Variants in NRXN2 observed in about 807,000 individuals in gnomAD.
NRXN2 encodes neurexin-2-beta.
Under a neutral mutation model 128.8 loss-of-function variants are expected in NRXN2, and 29 were observed. That is an observed-to-expected ratio of 0.23 (90% confidence interval 0.17 to 0.31). The LOEUF is 0.31. Among genes scored for constraint, NRXN2 ranks in the 10% least tolerant of loss-of-function variants. The pLI, the probability that NRXN2 is intolerant of heterozygous loss-of-function variation, is 1.00. For synonymous variants in NRXN2, 1,098 were observed against 1,075.2 expected (o/e 1.02, Z -0.41); for missense variants, 1,881 against 2,452.6 (o/e 0.77, Z 4.92).
chr11:64,656,868 G>T (rs879898394), intron 11 of NRXN2, among the ~76,000 whole-genome samples: 1 of 152,216 alleles, frequency 6.6e-6, no homozygotes, highest in Non-Finnish European at 1.5e-5. Context: ...GGCACGATAA[G>T]TTCCTTAGGA....
rs1479472265 is a variant in NRXN2, at chr11:64,706,427, G to T, written c.730+6543C>A. The stretch of plus-strand genomic sequence containing the variant: ...TATGAGTGAGAACATGCGGTGTTTG[G>T]TTTTTTGTCCTTGCGATAGTTTGCT... On this transcript the variant is annotated intron_variant, in intron 2 of 22. Transcript: ENST00000265459. Among the ~76,000 whole-genome samples the T allele has an allele frequency of 2.0e-5, 3 of 150,442 alleles. No homozygotes were observed. In the South Asian group the frequency reaches 6.3e-4, roughly 32 times the overall value.
intron 19 of NRXN2, among the ~76,000 whole-genome samples, chr11:64,627,358 T>C (rs1591591145): frequency 6.9e-6 from 1 of 145,918 alleles, no homozygotes; most frequent in African/African-American, 2.5e-5. Flanking sequence ...TCTCACCTCC[T>C]CTTCGGCCCC....
At chr11:64,716,733 G>A (rs995287823) in intron 1 of NRXN2, among the ~76,000 whole-genome samples, 6 of 152,162 alleles carry the variant, frequency 3.9e-5, no homozygotes, top group African/African-American at 1.4e-4. Context: ...GCCTCTGGGG[G>A]CACAGGGACT....
Position 64,676,982 on chromosome 11 carries a change from G to A in NRXN2, c.1197+11C>T. 2 of 1,611,656 alleles carry A rather than the reference G, an allele frequency of 1.2e-6. No homozygotes were observed. The highest frequency in any genetic ancestry group is 1.7e-6 in the Non-Finnish European group (2 of 1,178,444). ...CAAACCAAACGGTAAGACAATTAGA[G>A]TGATATCTACCAGATAATGCAGTTT... On this transcript the variant is annotated intron_variant, in intron 7 of 22. Transcript: ENST00000265459.
rs2045638397 is a variant in NRXN2, at chr11:64,641,359, T to C, written c.3404-5907A>G. On this transcript the variant is annotated intron_variant, in intron 17 of 22. Transcript: ENST00000265459. ...AGGTGCAGAGATGGGAAGTGATGAATAGACTAAAATGGGAGGTGAGGAGGT... is the reference window on the plus strand; with the variant it reads ...AGGTGCAGAGATGGGAAGTGATGAACAGACTAAAATGGGAGGTGAGGAGGT... 2.0e-5 allele frequency among the ~76,000 whole-genome samples: 3 copies of C among 151,584 alleles called. No individual in the cohort carries two copies. The South Asian group carries it at 6.3e-4, about 32-fold the overall frequency.
At chr11:64,711,938 G>A (rs958410037) in intron 2 of NRXN2, among the ~76,000 whole-genome samples, 1 of 151,708 alleles carries the variant, frequency 6.6e-6, no homozygotes, top group Non-Finnish European at 1.5e-5. Context: ...CCTCGCCTGC[G>A]CTGGAATCGC....
Position 64,631,017 on chromosome 11 carries a change from C to T in NRXN2, c.3586-444G>A, listed in dbSNP as rs1210881970. On this transcript the variant is annotated intron_variant, in intron 18 of 22. Transcript: ENST00000265459. This position sits in a 1 kb window ranked among gnomAD's most constrained non-coding sequence, Gnocchi z 4.8. The stretch of plus-strand genomic sequence containing the variant: ...CAGAGGAAGGTCTGACCCCCAGCCC[C>T]TCCCCAGTCCCCAGTCTCCAGCCTC... Among the ~76,000 whole-genome samples, 1 of 152,222 alleles carries T rather than the reference C, an allele frequency of 6.6e-6. No individual in the cohort carries two copies. Among genetic ancestry groups the T allele is most frequent in the African/African-American group, 2.4e-5 (1 of 41,460 alleles).
chr11:64,697,816 A>G, intron 2 of NRXN2, 24 bp from the exon 3 acceptor site: 2 of 1,613,490 alleles, frequency 1.2e-6, no homozygotes, highest in Non-Finnish European at 1.7e-6. Context: ...GGTTCGGAGA[A>G]GACGGAGGCA....
At chr11:64,697,818 A>G in intron 2 of NRXN2, 26 bp from the exon 3 acceptor site, 1 of 1,613,396 alleles carries the variant, frequency 6.2e-7, no homozygotes, top group Non-Finnish European at 8.5e-7. Flanking sequence ...TTCGGAGAAG[A>G]CGGAGGCAGA....
chr11:64,610,612 A>G (rs1182377168), intron 22 of NRXN2, among the ~76,000 whole-genome samples: 1 of 152,038 alleles, frequency 6.6e-6, no homozygotes, highest in African/African-American at 2.4e-5. Flanking sequence ...CTCATCTATA[A>G]AACTGGGGTA....
chr11:64,684,962 G>A (rs913910761), intron 6 of NRXN2, among the ~76,000 whole-genome samples: 10 of 152,176 alleles, frequency 6.6e-5, no homozygotes, highest in African/African-American at 2.2e-4. Context: ...GATGCTGGGA[G>A]GGCCTGGCTC....
At chr11:64,718,583 G>T (rs534219307) in intron 1 of NRXN2, among the ~76,000 whole-genome samples, 2 of 152,326 alleles carry the variant, frequency 1.3e-5, no homozygotes, top group South Asian at 2.1e-4. Flanking sequence ...GCTGCCTCGG[G>T]GGGTGGTGAG....
intron 4 of NRXN2, among the ~76,000 whole-genome samples, chr11:64,691,730 G>C (rs2135584970): frequency 6.6e-6 from 1 of 151,724 alleles, no homozygotes; most frequent in South Asian, 2.1e-4. Flanking sequence ...TCTCCATTTG[G>C]GACTTCCTCT....
At chr11:64,661,448 C>T (rs1030858066) in intron 9 of NRXN2, 1 of 1,267,386 alleles carries the variant, frequency 7.9e-7, no homozygotes, top group Non-Finnish European at 1.0e-6. Context: ...AGGAAGTGGG[C>T]ATGCCGAAAT....
chr11:64,608,857 G>A (rs775980868), intron 22 of NRXN2, among the ~76,000 whole-genome samples: 4 of 152,148 alleles, frequency 2.6e-5, no homozygotes, highest in Non-Finnish European at 4.4e-5. Context: ...TCAGCATGTC[G>A]GGGAGGGAGG....
intron 22 of NRXN2, among the ~76,000 whole-genome samples, chr11:64,610,303 G>A (rs1173508640): frequency 6.6e-6 from 1 of 152,124 alleles, no homozygotes; most frequent in Non-Finnish European, 1.5e-5. Context: ...AGCATGTTTT[G>A]TGGAGCTGGG....
chr11:64,660,926 C>T lies in NRXN2; in HGVS notation c.2012G>A (p.Arg671Gln), dbSNP rs772419587. The T allele has an allele frequency of 6.2e-6, 10 of 1,613,602 alleles. No individual in the cohort carries two copies. The East Asian group carries it at 1.3e-4, about 22-fold the overall frequency. Reference protein sequence around the residue: ...LFIDGRSRDLRGLAEAQGAVG... With the variant: ...LFIDGRSRDLQGLAEAQGAVG... ...AGCCCCCTGAGCCTCAGCCAGGCCC[C>T]GGAGGTCTCGGCTACGCCCATCTAT... Residue 671 changes from arginine (R) to glutamine (Q), a missense_variant, in exon 10 of 23, where the codon CGG becomes CAG. Around this residue, in one of 7 missense-constraint regions of NRXN2, gnomAD observed 997 missense variants for 1,240.8 expected, o/e 0.80. Transcript: ENST00000265459. The surrounding 1 kb of genome is among the most constrained non-coding windows in gnomAD (Gnocchi z 5.2).
At position 64,714,582 on chromosome 11, in the gene NRXN2, G is replaced by A. The variant is rs968002810; in HGVS notation, c.-244-639C>T. On this transcript the variant is annotated intron_variant, in intron 1 of 22. Coordinates refer to ENST00000265459, the MANE Select transcript of NRXN2 (RefSeq NM_015080.4). This position sits in a 1 kb window ranked among gnomAD's most constrained non-coding sequence, Gnocchi z 4.5. ...CCAATTCTGTGTCTCCAGTTCCCCC[G>A]AAACCACGCTCACCCCTTCCCAGGC... Among the ~76,000 whole-genome samples the A allele has an allele frequency of 1.3e-4, 19 of 151,888 alleles. No individual in the cohort carries two copies. Among genetic ancestry groups the A allele is most frequent in the Non-Finnish European group, 5.9e-5 (4 of 67,984 alleles).
chr11:64,694,714 C>G (rs1165651871), intron 3 of NRXN2, among the ~76,000 whole-genome samples: 1 of 152,150 alleles, frequency 6.6e-6, no homozygotes, highest in African/African-American at 2.4e-5. Context: ...CAACCCTTTC[C>G]CCAAAAACTA....
Sources: gnomAD v4.1 joint callset for allele counts (sites outside exome capture counted in the v4.1 genomes callset) on GRCh38, gnomAD v4.1.1 for gene constraint, gnomAD v4.1.1 regional missense constraint, Gnocchi (gnomAD v3.1) non-coding constraint, MANE v1.5 for transcripts, NCBI Gene and HGNC (gene_info 2026-07-23, HGNC 2026-07-21) for gene names.